The following CYP2U1 variants were observed in gnomAD, a reference collection of about 807,000 sequenced individuals.
The protein encoded by CYP2U1 is cytochrome P450 2U1.
In CYP2U1, 28 loss-of-function variants were observed where a neutral mutation model predicts 42.8. That is an observed-to-expected ratio of 0.65 (90% confidence interval 0.48 to 0.90). CYP2U1 has a LOEUF of 0.90. CYP2U1 is among the 40% of genes least tolerant of loss of function. The pLI, the probability that CYP2U1 is intolerant of heterozygous loss-of-function variation, is 0.00. For missense variants in CYP2U1, 642 were observed against 693.8 expected (o/e 0.93, Z 0.84); for synonymous variants, 296 against 278.9 (o/e 1.06, Z -0.61).
At chr4:107,945,655 T>G in intron 2 of CYP2U1, 50 bp downstream of exon 2, 4 of 1,521,162 alleles carry the variant, frequency 2.6e-6, no homozygotes, top group Non-Finnish European at 3.5e-6. Context: ...GTAATTTAAA[T>G]GAGGATTAGC....
At position 107,947,526 on chromosome 4, in the gene CYP2U1, C is replaced by G; in HGVS notation, c.1277C>G (p.Ser426Ter). ...VVPLAIPHMT[S>*]ENTVLQGYTI... ...CCGCTTGCCATTCCTCATATGACCT[C>G]AGAGAACACAGGCAAGTCCAGGGTC... Residue 426 changes from serine to a stop codon, truncating the protein, a stop_gained, in exon 3 of 5, where the codon TCA becomes TGA. Coordinates refer to ENST00000332884, the MANE Select transcript of CYP2U1 (RefSeq NM_183075.3). LOFTEE classifies it high-confidence loss of function. The G allele has an allele frequency of 6.2e-7, 1 of 1,614,024 alleles. No homozygotes were observed. The highest frequency in any genetic ancestry group is 8.5e-7 in the Non-Finnish European group (1 of 1,179,980).
Position 107,945,229 on chromosome 4 carries a change from A to G in CYP2U1, c.750A>G (p.Lys250=). ...RFDYTNSEFK[K]MLGFMSRGLE... ...ATTACACTAATAGTGAGTTCAAGAA[A>G]ATGCTTGGTTTTATGTCACGAGGCC... Residue 250 remains lysine, a synonymous_variant, in exon 2 of 5, where the codon AAA becomes AAG. Coordinates refer to ENST00000332884, the MANE Select transcript of CYP2U1 (RefSeq NM_183075.3). The G allele has an allele frequency of 2.5e-6, 4 of 1,614,092 alleles. No individual in the cohort carries two copies. The South Asian group carries it at 4.4e-5, about 18-fold the overall frequency.
chr4:107,945,699 C>A, intron 2 of CYP2U1, 94 bp downstream of exon 2: 5 of 1,432,542 alleles, frequency 3.5e-6, no homozygotes, highest in South Asian at 2.9e-5. Flanking sequence ...TAACACTGAG[C>A]AATGTCTTCA....
chr4:107,942,296 C>T (rs1190690787), intron 1 of CYP2U1, among the ~76,000 whole-genome samples: 3 of 152,142 alleles, frequency 2.0e-5, no homozygotes, highest in African/African-American at 7.2e-5. Flanking sequence ...CACCCACTGT[C>T]TGCACCTCAG....
rs1733901481 is a variant in CYP2U1 at position 107,951,436 on chromosome 4, T to A, written c.*1013T>A. 6.6e-6 allele frequency: 1 copy of A among 152,266 alleles called. No individual in the cohort carries two copies. Among genetic ancestry groups the A allele is most frequent in the African/African-American group, 2.4e-5 (1 of 41,468 alleles). 9.4% of individuals were successfully genotyped at this position (152,266 alleles called of 1,614,324 possible). A position where few individuals can be genotyped will look rare whatever the true frequency, so the allele number is the denominator to read the frequency against. On this transcript the variant is annotated 3_prime_UTR_variant, in exon 5 of 5. Transcript: ENST00000332884. ...ACTCTCAAAGAATTCACTCTCTTTT[T>A]ATTAAGAGAACTAAATTGTTTCTAA... is the stretch of plus-strand genomic sequence containing the variant.
At chr4:107,943,169 T>C (rs532139823) in intron 1 of CYP2U1, among the ~76,000 whole-genome samples, 1 of 152,348 alleles carries the variant, frequency 6.6e-6, no homozygotes, top group East Asian at 1.9e-4. Flanking sequence ...GCCTTCTGAT[T>C]GACAAAACTA....
rs1578738941 is a variant in CYP2U1 at position 107,952,593 on chromosome 4, C to T, written c.*2170C>T. 3 of 152,208 alleles carry T rather than the reference C, an allele frequency of 2.0e-5. No individual in the cohort carries two copies. The highest frequency in any genetic ancestry group is 1.3e-4 in the Admixed American group (2 of 15,282). The allele number at this position is 152,208 out of a possible 1,614,324, so 9.4% of individuals were successfully genotyped here. ...GCTCTGTTTTCCAGATAAATGGAGA[C>T]ACCAGATCTCCCTAACCTCTGACTT... On this transcript the variant is annotated 3_prime_UTR_variant, in exon 5 of 5. Coordinates refer to ENST00000332884, the MANE Select transcript of CYP2U1 (RefSeq NM_183075.3).
At position 107,945,155 on chromosome 4, in the gene CYP2U1, A is replaced by C. The variant is rs1733650773; in HGVS notation, c.676A>C (p.Asn226His). 1 of 1,613,972 alleles carries C rather than the reference A, an allele frequency of 6.2e-7. No homozygotes were observed. Among genetic ancestry groups the C allele is most frequent in the African/African-American group, 1.3e-5 (1 of 75,002 alleles). The change falls in exon 2 of 5, where the codon AAT (asparagine) becomes CAT (histidine). Residue 226 changes from asparagine (N) to histidine (H), a missense_variant. By Grantham distance (68) the Asn-to-His change is moderately conservative (BLOSUM62 1). Transcript: ENST00000332884. ...DPFCPFSIIS[N>H]AVSNIICSLC... ...CTTCTGCCCTTTCTCCATCATCAGC[A>C]ATGCCGTCTCTAACATCATTTGCTC...
At position 107,949,507 on chromosome 4, in the gene CYP2U1, T is replaced by A; in HGVS notation, c.1446T>A (p.Pro482=). The change falls in exon 4 of 5, where the codon CCT becomes CCA. Residue 482 remains proline, a synonymous_variant. Coordinates refer to ENST00000332884, the MANE Select transcript of CYP2U1 (RefSeq NM_183075.3). ...GQLIKKETFI[P]FGIGKRVCMG... ...TAATTAAAAAAGAAACCTTTATTCC[T>A]TTTGGGATAGGTCAGTTACACTTTT... 3.2e-6 allele frequency: 5 copies of A among 1,571,354 alleles called. No homozygotes were observed. The highest frequency in any genetic ancestry group is 4.3e-6 in the Non-Finnish European group (5 of 1,157,884).
chr4:107,949,305 G>C (rs1450037907), intron 3 of CYP2U1, 45 bp from the exon 4 acceptor site: 2 of 1,398,688 alleles, frequency 1.4e-6, no homozygotes, highest in Admixed American at 2.7e-5. Flanking sequence ...AGAACTACTA[G>C]TAAAAGCATA....
rs1732971375 is a variant in CYP2U1, at chr4:107,931,612, A to C, written c.-32A>C. On this transcript the variant is annotated 5_prime_UTR_variant, in exon 1 of 5. Coordinates refer to ENST00000332884, the MANE Select transcript of CYP2U1 (RefSeq NM_183075.3). ...TGCGTGCGCGTCTCCTCCAGGCAGC[A>C]AGGGGAACCCGAGGCCGCCGGCGCC... 8.8e-6 allele frequency: 11 copies of C among 1,249,482 alleles called. No individual in the cohort carries two copies. The highest frequency in any genetic ancestry group is 1.1e-5 in the Non-Finnish European group (11 of 1,000,320). 77.4% of individuals were successfully genotyped at this position (1,249,482 alleles called of 1,614,324 possible). A position where few individuals can be genotyped will look rare whatever the true frequency, so the allele number is the denominator to read the frequency against.
intron 3 of CYP2U1, 24 bp from the exon 4 acceptor site, chr4:107,949,326 C>A: frequency 6.8e-7 from 1 of 1,464,902 alleles, no homozygotes; most frequent in Non-Finnish European, 9.1e-7. Flanking sequence ...CTGAATAACA[C>A]CCATATGTTT....
Position 107,945,249 on chromosome 4 carries a change from G to A in CYP2U1, c.770G>A (p.Arg257Gln), listed in dbSNP as rs760549002. 47 of 1,613,846 alleles carry A rather than the reference G, an allele frequency of 2.9e-5. No homozygotes were observed. Among genetic ancestry groups the A allele is most frequent in the Admixed American group, 1.7e-4 (10 of 59,974 alleles). ...AAGAAAATGCTTGGTTTTATGTCAC[G>A]AGGCCTAGAAATCTGTCTGAACAGT... ...EFKKMLGFMS[R>Q]GLEICLNSQV... The change falls in exon 2 of 5, where the codon CGA becomes CAA. Residue 257 changes from arginine to glutamine, a missense_variant. Coordinates refer to ENST00000332884, the MANE Select transcript of CYP2U1 (RefSeq NM_183075.3).
chr4:107,944,829 T>C (rs1183574178), intron 1 of CYP2U1, 141 bp from the exon 2 acceptor site: 2 of 141,366 alleles, frequency 1.4e-5, no homozygotes, highest in African/African-American at 6.2e-5. Context: ...ACTAGTGGTC[T>C]TTATATATAC....
At chr4:107,949,837 C>G (rs557370782) in intron 4 of CYP2U1, among the ~76,000 whole-genome samples, 1 of 152,224 alleles carries the variant, frequency 6.6e-6, no homozygotes, top group South Asian at 2.1e-4. Flanking sequence ...CTCAACAGTT[C>G]CTCTTTTAGG....
chr4:107,947,405 A>T lies in CYP2U1; in HGVS notation c.1156A>T (p.Ile386Phe). The T allele has an allele frequency of 6.2e-7, 1 of 1,614,114 alleles. No individual in the cohort carries two copies. The highest frequency in any genetic ancestry group is 8.5e-7 in the Non-Finnish European group (1 of 1,180,002). Residue 386 changes from isoleucine (I) to phenylalanine (F), a missense_variant, in exon 3 of 5, where the codon ATT (isoleucine) becomes TTT (phenylalanine). Transcript: ENST00000332884. The part of the protein sequence containing the change: ...EKVHEEIERV[I>F]GANRAPSLTD... ...GGTTCATGAAGAAATTGAAAGAGTC[A>T]TTGGCGCCAACCGAGCTCCTTCCCT...
At position 107,932,192 on chromosome 4, in the gene CYP2U1, G is replaced by A. The variant is rs935927420; in HGVS notation, c.490+59G>A. The A allele has an allele frequency of 7.2e-6, 11 of 1,534,086 alleles. No individual in the cohort carries two copies. The Admixed American group carries it at 1.3e-4, about 18-fold the overall frequency. On this transcript the variant is annotated intron_variant, in intron 1 of 4. Coordinates refer to ENST00000332884, the MANE Select transcript of CYP2U1 (RefSeq NM_183075.3). ...ATGCCGCGGATGAGTCTCCAGGTGC[G>A]TGGGGGCTGCAGTTCCTGTGCCCCT...
intron 1 of CYP2U1, chr4:107,936,102 C>G (rs936067027): frequency 3.9e-5 from 6 of 152,078 alleles, no homozygotes; most frequent in Non-Finnish European, 7.4e-5. Context: ...AGGTGGTCTT[C>G]TTCTTAAGCC....
Position 107,953,244 on chromosome 4 carries a change from T to C in CYP2U1, c.*2821T>C, listed in dbSNP as rs773105481. On this transcript the variant is annotated 3_prime_UTR_variant, in exon 5 of 5. Coordinates refer to ENST00000332884, the MANE Select transcript of CYP2U1 (RefSeq NM_183075.3). ...ATGTTTATTAAACTTTAAAATATAA[T>C]GCCTTAAGCTGTGGCACTTTAAAAA... The C allele has an allele frequency of 3.9e-5, 6 of 152,234 alleles. No individual in the cohort carries two copies. Among genetic ancestry groups the C allele is most frequent in the Non-Finnish European group, 7.3e-5 (5 of 68,034 alleles). 9.4% of individuals were successfully genotyped at this position (152,234 alleles called of 1,614,324 possible).
Sources: gnomAD v4.1 joint callset for allele counts (sites outside exome capture counted in the v4.1 genomes callset) on GRCh38, gnomAD v4.1.1 for gene constraint, MANE v1.5 for transcripts, NCBI Gene and HGNC (gene_info 2026-07-23, HGNC 2026-07-21) for gene names.